PLA2G4C: variants seen among roughly 807,000 people sequenced by gnomAD.
PLA2G4C encodes phospholipase A2 group IVC.
In PLA2G4C, 64 loss-of-function variants were observed where a neutral mutation model predicts 73.8. That is an observed-to-expected ratio of 0.87 (90% CI 0.71 to 1.07). The LOEUF is 1.07. Ranked by LOEUF, PLA2G4C falls within the 50% of genes least tolerant of loss-of-function variation. The pLI is 0.00. For missense variants in PLA2G4C, 622 were observed against 665.4 expected (o/e 0.93, Z 0.72); for synonymous variants, 254 against 252.1 (o/e 1.01, Z -0.07).
chr19:48,100,603 TAAAAAAA>T (rs745962740), intron 4 of PLA2G4C, among the ~76,000 whole-genome samples: 1 of 40,658 alleles, frequency 2.5e-5, no homozygotes, highest in African/African-American at 1.5e-4. Flanking sequence ...TGACTCCATC[TAAAAAAA>T]AAAAAAAAAA....
At chr19:48,087,689 C>A (rs189545275) in intron 9 of PLA2G4C, among the ~76,000 whole-genome samples, 2 of 152,146 alleles carry the variant, frequency 1.3e-5, no homozygotes, top group Admixed American at 1.3e-4. Flanking sequence ...AATCCCAGCA[C>A]TTTGGGAGGC....
At chr19:48,058,353 G>T (rs1392338257) in intron 14 of PLA2G4C, among the ~76,000 whole-genome samples, 1 of 151,886 alleles carries the variant, frequency 6.6e-6, no homozygotes. Context: ...GCCCAGGCTG[G>T]TCTCAAATTG....
At chr19:48,105,111 AAAG>A (rs2032109407) in intron 3 of PLA2G4C, among the ~76,000 whole-genome samples, 1 of 140,518 alleles carries the variant, frequency 7.1e-6, no homozygotes, top group African/African-American at 3.1e-5. Flanking sequence ...AAAAGAAAGA[AAAG>A]AAAAGAAAAA....
At position 48,067,867 on chromosome 19, in the gene PLA2G4C, C is replaced by T. The variant is rs1327118831; in HGVS notation, c.1026G>A (p.Met342Ile). 9.3e-6 allele frequency: 15 copies of T among 1,613,354 alleles called. No homozygotes were observed. Among genetic ancestry groups the T allele is most frequent in the African/African-American group, 1.3e-5 (1 of 74,916 alleles). Reference sequence around the variant, plus strand: ...AAATGCCTGTTTTCTTCACAAAATCCATCAAGTTACTGAGTGAGCCTAGGG... The same window carrying T: ...AAATGCCTGTTTTCTTCACAAAATCTATCAAGTTACTGAGTGAGCCTAGGG... ...PERKGSLSNL[M>I]DFVKKTGICA... Residue 342 changes from methionine to isoleucine, a missense_variant, in exon 13 of 17, where the codon ATG becomes ATA. By Grantham distance (10) the Met-to-Ile change is conservative. Transcript: ENST00000599921.
intron 9 of PLA2G4C, among the ~76,000 whole-genome samples, chr19:48,086,318 CGCGTGGG>C (rs2030975255): frequency 6.6e-6 from 1 of 152,050 alleles, no homozygotes; most frequent in Admixed American, 6.6e-5. Context: ...GTGTGGGATC[CGCGTGGG>C]GCTTACTGCC....
At chr19:48,051,686 A>G (rs1967731784) in intron 16 of PLA2G4C, 1 of 151,978 alleles carries the variant, frequency 6.6e-6, no homozygotes, top group South Asian at 2.1e-4. Context: ...ATCACCTCCC[A>G]CCAGGTCCCT....
In PLA2G4C at chr19:48,102,942, G is replaced by A. The variant is rs112450363; in HGVS notation, c.257+1646C>T. ...GTCCACACTTACAATGCTCAACAGC[G>A]GAGGAAACCAAGGCACAAAGAAGTA... On this transcript the variant is annotated intron_variant, in intron 4 of 16. Coordinates refer to ENST00000599921, the MANE Select transcript of PLA2G4C (RefSeq NM_003706.3). Among the ~76,000 whole-genome samples, 343 of 152,152 alleles carry A rather than the reference G, an allele frequency of 2.3e-3. 3 individuals carry two copies. Among genetic ancestry groups the A allele is most frequent in the African/African-American group, 7.6e-3 (314 of 41,522 alleles).
intron 11 of PLA2G4C, among the ~76,000 whole-genome samples, chr19:48,076,641 T>A (rs1285900135): frequency 4.0e-5 from 6 of 150,738 alleles, no homozygotes; most frequent in African/African-American, 1.2e-4. Flanking sequence ...TATTCAGGAG[T>A]CTGGGGCAGG....
chr19:48,084,236 T>G (rs140263592), intron 10 of PLA2G4C, among the ~76,000 whole-genome samples: 117 of 152,178 alleles, frequency 7.7e-4, no homozygotes, highest in African/African-American at 2.7e-3. Context: ...ATTTTTGTAT[T>G]TTTAGTAGAG....
At chr19:48,090,911 A>G (rs2031256158) in intron 7 of PLA2G4C, among the ~76,000 whole-genome samples, 1 of 152,074 alleles carries the variant, frequency 6.6e-6, no homozygotes, top group Non-Finnish European at 1.5e-5. Flanking sequence ...AGGCTGAGGC[A>G]GGAAGATCAC....
At chr19:48,078,936 T>G (rs1160777922) in intron 10 of PLA2G4C, among the ~76,000 whole-genome samples, 1 of 151,502 alleles carries the variant, frequency 6.6e-6, no homozygotes, top group Non-Finnish European at 1.5e-5. Flanking sequence ...ATGGCCAATT[T>G]TGGCTCACTG....
chr19:48,058,592 C>T (rs1271077548), intron 14 of PLA2G4C, among the ~76,000 whole-genome samples: 6 of 152,008 alleles, frequency 3.9e-5, no homozygotes, highest in African/African-American at 7.2e-5. Context: ...CTGAGGTGGG[C>T]GGATCACCTG....
intron 15 of PLA2G4C, 46 bp downstream of exon 15, chr19:48,054,832 T>C (rs377294596): frequency 8.4e-6 from 13 of 1,541,292 alleles, no homozygotes; most frequent in Middle Eastern, 1.7e-4. Flanking sequence ...AGTGTGAGCA[T>C]GGACTAATAC....
At chr19:48,092,575 T>C (rs1226934205) in intron 7 of PLA2G4C, among the ~76,000 whole-genome samples, 3 of 152,274 alleles carry the variant, frequency 2.0e-5, no homozygotes, top group African/African-American at 4.8e-5. Context: ...GATTCAGCCA[T>C]AAAAAGAAAG....
At chr19:48,052,314 G>A (rs1248677136) in intron 16 of PLA2G4C, 1 of 152,246 alleles carries the variant, frequency 6.6e-6, no homozygotes, top group Non-Finnish European at 1.5e-5. Flanking sequence ...TGTTGGGGTA[G>A]GGGCCTGGTG....
chr19:48,080,879 C>G (rs1430776071), intron 10 of PLA2G4C, among the ~76,000 whole-genome samples: 14 of 151,374 alleles, frequency 9.2e-5, no homozygotes, highest in Admixed American at 9.2e-4. Flanking sequence ...ATGGAACCAG[C>G]CGAGCATGGT....
In PLA2G4C at chr19:48,074,882, A is replaced by G. The variant is rs780609124; in HGVS notation, c.899-8T>C. ...CAGGCTCACCGCCTTCATCTACGTC[A>G]AGAAATCCAGGTGGTCTCAGACACT... On this transcript the variant is annotated splice_polypyrimidine_tract_variant and splice_region_variant and intron_variant, in intron 11 of 16. Coordinates refer to ENST00000599921, the MANE Select transcript of PLA2G4C (RefSeq NM_003706.3). The G allele has an allele frequency of 6.3e-7, 1 of 1,580,928 alleles. No homozygotes were observed. The highest frequency in any genetic ancestry group is 8.6e-7 in the Non-Finnish European group (1 of 1,159,054).
Position 48,055,006 on chromosome 19 carries a change from G to C in PLA2G4C, c.1301C>G (p.Pro434Arg). The C allele has an allele frequency of 6.2e-7, 1 of 1,613,188 alleles. No homozygotes were observed. Among genetic ancestry groups the C allele is most frequent in the Non-Finnish European group, 8.5e-7 (1 of 1,179,782 alleles). The change falls in exon 15 of 17, where the codon CCC becomes CGC. Residue 434 changes from proline (P) to arginine (R), a missense_variant. Physicochemically the swap from Pro to Arg is moderately radical, Grantham distance 103. Coordinates refer to ENST00000599921, the MANE Select transcript of PLA2G4C (RefSeq NM_003706.3). ...TTDYCRRHKI[P>R]FPQVEEAELD... ...CTCAGCCTCTTCTACTTGGGGAAAG[G>C]GGATCTTGTGGCGGCGGCAGTAGTC...
In PLA2G4C at chr19:48,101,126, A is replaced by ATATATTTTTTTT. The variant is rs1491313107; in HGVS notation, c.258-1267_258-1266insAAAAAAAATATA. On this transcript the variant is annotated intron_variant, in intron 4 of 16. Coordinates refer to ENST00000599921, the MANE Select transcript of PLA2G4C (RefSeq NM_003706.3). ...AGTCTATATATATATATATATATAT[A>ATATATTTTTTTT]TTTTTTTTTTTTTTTTTGAGACAGG... Among the ~76,000 whole-genome samples, 70 of 74,128 alleles carry ATATATTTTTTTT rather than the reference A, an allele frequency of 9.4e-4. 1 individual carries two copies. The highest frequency in any genetic ancestry group is 4.0e-3 in the African/African-American group (62 of 15,586). 48.6% of individuals were successfully genotyped at this position (74,128 alleles called of 152,430 possible).
Sources: allele counts gnomAD v4.1 joint callset (sites outside exome capture counted in the v4.1 genomes callset), GRCh38; gene constraint gnomAD v4.1.1; transcripts MANE v1.5; gene names NCBI Gene and HGNC (gene_info 2026-07-23, HGNC 2026-07-21).